Variants in CDYL2 observed in about 807,000 individuals in gnomAD.
The protein encoded by CDYL2 is chromodomain Y like 2.
A neutral mutation model predicts 49.4 loss-of-function variants in CDYL2; 23 were observed. The ratio of observed to expected loss-of-function variants is 0.47; its 90% CI spans 0.34 to 0.66. The LOEUF (loss-of-function observed/expected upper bound fraction) is 0.66. CDYL2 is among the 30% of genes least tolerant of loss of function. CDYL2 has a pLI of 0.01. For synonymous variants in CDYL2, 360 were observed against 268.8 expected, an observed-to-expected ratio of 1.34 and a Z score of -3.32; for missense variants, 678 against 656.4, an observed-to-expected ratio of 1.03 and a Z score of -0.36.
intron 1 of CDYL2, among the ~76,000 whole-genome samples, chr16:80,758,892 C>T (rs942569133): frequency 3.3e-5 from 5 of 151,456 alleles, no homozygotes; most frequent in African/African-American, 4.9e-5. Flanking sequence ...TCTAAAATTC[C>T]GAAGACTGGT....
At chr16:80,750,465 A>G (rs1050774167) in intron 1 of CDYL2, among the ~76,000 whole-genome samples, 2 of 151,966 alleles carry the variant, frequency 1.3e-5, no homozygotes, top group South Asian at 2.1e-4. Context: ...GAAATAAAAA[A>G]CTTAAAAACA....
chr16:80,742,673 G>T (rs375374930), intron 1 of CDYL2, among the ~76,000 whole-genome samples: 46 of 151,494 alleles, frequency 3.0e-4, no homozygotes, highest in African/African-American at 1.1e-3. Context: ...GGGTAGAAAG[G>T]GTGGATGAAT....
intron 1 of CDYL2, among the ~76,000 whole-genome samples, chr16:80,732,466 G>C (rs1306497095): frequency 1.3e-5 from 2 of 152,128 alleles, no homozygotes; most frequent in African/African-American, 2.4e-5. Context: ...AGAAAAAAAG[G>C]TTTCTCTATA....
At chr16:80,787,969 C>T (rs1907490789) in intron 1 of CDYL2, among the ~76,000 whole-genome samples, 1 of 152,076 alleles carries the variant, frequency 6.6e-6, no homozygotes, top group African/African-American at 2.4e-5. Context: ...ATAACCAAGG[C>T]ATCACAGTCC....
At chr16:80,736,516 G>C (rs1268579515) in intron 1 of CDYL2, 1 of 152,196 alleles carries the variant, frequency 6.6e-6, no homozygotes, top group Non-Finnish European at 1.5e-5. Flanking sequence ...ATATCAACAG[G>C]TAAACATGAA....
At chr16:80,801,605 G>A (rs770477850) in intron 1 of CDYL2, among the ~76,000 whole-genome samples, 10 of 152,218 alleles carry the variant, frequency 6.6e-5, no homozygotes, top group Middle Eastern at 3.2e-3. Flanking sequence ...TAGAGATTGC[G>A]AGAAGCCATT....
intron 1 of CDYL2, among the ~76,000 whole-genome samples, chr16:80,802,347 C>T (rs1189079264): frequency 6.6e-6 from 1 of 152,230 alleles, no homozygotes; most frequent in Admixed American, 6.5e-5. Context: ...CCAACCAGAT[C>T]ACTTTCACCC....
At chr16:80,723,946 AG>A (rs1905083050) in intron 1 of CDYL2, among the ~76,000 whole-genome samples, 1 of 149,426 alleles carries the variant, frequency 6.7e-6, no homozygotes, top group African/African-American at 2.5e-5. Flanking sequence ...GAGGAAGAGG[AG>A]AAAAAGGGGG....
At chr16:80,704,895 C>G (rs1904354234) in intron 1 of CDYL2, among the ~76,000 whole-genome samples, 1 of 152,152 alleles carries the variant, frequency 6.6e-6, no homozygotes, top group South Asian at 2.1e-4. Context: ...TCATCCTGAT[C>G]CTAAGTGCAA....
At chr16:80,650,666 C>T (rs150809257) in intron 2 of CDYL2, among the ~76,000 whole-genome samples, 142 of 152,324 alleles carry the variant, frequency 9.3e-4, no homozygotes, top group Non-Finnish European at 1.1e-3. Flanking sequence ...GATATCTGCA[C>T]TCTCATGTTT....
chr16:80,711,599 G>C (rs943052927), intron 1 of CDYL2, among the ~76,000 whole-genome samples: 2 of 152,184 alleles, frequency 1.3e-5, no homozygotes, highest in African/African-American at 4.8e-5. Context: ...TGAGCTACAT[G>C]CTGTGTGACC....
chr16:80,790,692 C>T (rs112846257), intron 1 of CDYL2, among the ~76,000 whole-genome samples: 9 of 152,230 alleles, frequency 5.9e-5, no homozygotes, highest in East Asian at 5.8e-4. Context: ...AGTTCACAGA[C>T]GAGTTTGGAT....
chr16:80,672,417 C>A (rs896627), intron 2 of CDYL2, among the ~76,000 whole-genome samples: 73,408 of 148,102 alleles, frequency 0.5, 20,596 homozygotes, highest in Middle Eastern at 0.72. Flanking sequence ...TCTAATGATA[C>A]AGTCAGATAT....
chr16:80,770,822 T>C (rs1420628964), intron 1 of CDYL2, among the ~76,000 whole-genome samples: 1 of 152,150 alleles, frequency 6.6e-6, no homozygotes, highest in Non-Finnish European at 1.5e-5. Flanking sequence ...AAAGATTTTG[T>C]CTCATTCTTA....
chr16:80,721,454 G>T (rs1448506156), intron 1 of CDYL2, among the ~76,000 whole-genome samples: 3 of 152,072 alleles, frequency 2.0e-5, no homozygotes, highest in African/African-American at 7.2e-5. Context: ...GTATCAGATG[G>T]GGAAGTCCTT....
At chr16:80,623,054 C>A (rs1828049234) in intron 3 of CDYL2, among the ~76,000 whole-genome samples, 1 of 152,202 alleles carries the variant, frequency 6.6e-6, no homozygotes, top group Admixed American at 6.5e-5. Context: ...GACTGGCCAG[C>A]TCAAAGCTTC....
chr16:80,659,411 G>A (rs1044818403), intron 2 of CDYL2, among the ~76,000 whole-genome samples: 2 of 152,030 alleles, frequency 1.3e-5, no homozygotes, highest in African/African-American at 4.8e-5. Context: ...AAAACTGAAT[G>A]TGGGCTAAAA....
chr16:80,748,475 C>A (rs12447605), intron 1 of CDYL2, among the ~76,000 whole-genome samples: 37,614 of 134,926 alleles, frequency 0.28, 6,311 homozygotes, highest in Middle Eastern at 0.51. Context: ...CGCCACTGCC[C>A]TCCAGCCTGG....
intron 1 of CDYL2, among the ~76,000 whole-genome samples, chr16:80,764,691 G>A (rs1020401512): frequency 2.0e-4 from 31 of 152,040 alleles, no homozygotes; most frequent in African/African-American, 3.6e-4. Flanking sequence ...ATCGCCATCC[G>A]TGGGAAAAGA....
Sources: allele counts gnomAD v4.1 joint callset (sites outside exome capture counted in the v4.1 genomes callset), GRCh38; gene constraint gnomAD v4.1.1; transcripts MANE v1.5; gene names NCBI Gene and HGNC (gene_info 2026-07-23, HGNC 2026-07-21).